Variants in FHIT observed in about 807,000 individuals in gnomAD.
FHIT encodes bis(5'-adenosyl)-triphosphatase.
In FHIT, 19 loss-of-function variants were observed where a neutral mutation model predicts 17.9. The ratio of observed to expected loss-of-function variants is 1.06; its 90% CI spans 0.74 to 1.56. The LOEUF (loss-of-function observed/expected upper bound fraction) is 1.56, where lower values mean the gene tolerates loss of function less well. Among genes scored for constraint, FHIT ranks in the 40% most tolerant of loss-of-function variants. The pLI is 0.00. For synonymous variants in FHIT, 81 were observed against 69.7 expected (o/e 1.16, Z -0.81); for missense variants, 248 against 189.2 (o/e 1.31, Z -1.82).
At chr3:61,247,335 AAAG>A (rs528869198) in intron 1 of FHIT, among the ~76,000 whole-genome samples, 8 of 152,148 alleles carry the variant, frequency 5.3e-5, no homozygotes, top group Non-Finnish European at 1.0e-4. Context: ...TCAGCTTTAG[AAAG>A]AAGCACTGCC....
intron 5 of FHIT, among the ~76,000 whole-genome samples, chr3:60,494,393 G>A (rs1357362962): frequency 6.6e-6 from 1 of 151,780 alleles, no homozygotes; most frequent in Admixed American, 6.6e-5. Flanking sequence ...TTTTGATACA[G>A]ACATGCAATG....
intron 7 of FHIT, among the ~76,000 whole-genome samples, chr3:59,936,586 T>G (rs1706252016): frequency 6.6e-6 from 1 of 152,188 alleles, no homozygotes; most frequent in Non-Finnish European, 1.5e-5. Flanking sequence ...AAATCTGCCT[T>G]CTACTTAATG....
intron 3 of FHIT, among the ~76,000 whole-genome samples, chr3:60,992,012 C>T (rs965828913): frequency 2.4e-4 from 36 of 152,102 alleles, no homozygotes; most frequent in African/African-American, 8.5e-4. Flanking sequence ...TAGACCAAAA[C>T]AGAATTCTGG....
chr3:59,758,704 C>T (rs1701345357), intron 8 of FHIT, among the ~76,000 whole-genome samples: 1 of 152,096 alleles, frequency 6.6e-6, no homozygotes, highest in Non-Finnish European at 1.5e-5. Flanking sequence ...TCATTTATGA[C>T]AAATCATGTC....
chr3:59,997,606 A>G (rs959746461), intron 7 of FHIT, among the ~76,000 whole-genome samples: 3 of 152,200 alleles, frequency 2.0e-5, no homozygotes, highest in East Asian at 3.9e-4. Flanking sequence ...ACACATTGTC[A>G]GTATGTGAAC....
intron 8 of FHIT, among the ~76,000 whole-genome samples, chr3:59,912,717 A>G (rs1704939751): frequency 6.6e-6 from 1 of 152,354 alleles, no homozygotes; most frequent in South Asian, 2.1e-4. Flanking sequence ...GCAAGGTTAC[A>G]TTTCCGTGCA....
intron 2 of FHIT, among the ~76,000 whole-genome samples, chr3:61,089,999 A>T (rs1479698319): frequency 6.6e-6 from 1 of 152,238 alleles, no homozygotes; most frequent in African/African-American, 2.4e-5. Context: ...CAACAAGCGC[A>T]TGCCAATACA....
At chr3:59,802,216 C>A (rs1700022982) in intron 8 of FHIT, among the ~76,000 whole-genome samples, 1 of 152,166 alleles carries the variant, frequency 6.6e-6, no homozygotes, top group African/African-American at 2.4e-5. Context: ...GGTTCCCCTA[C>A]CCTGCTTGGC....
At chr3:61,063,864 T>A (rs1259842751) in intron 2 of FHIT, among the ~76,000 whole-genome samples, 1 of 152,230 alleles carries the variant, frequency 6.6e-6, no homozygotes, top group East Asian at 1.9e-4. Context: ...ATGATTTCAA[T>A]GTCATGTTTA....
intron 5 of FHIT, among the ~76,000 whole-genome samples, chr3:60,206,414 G>T (rs1559727351): frequency 6.6e-6 from 1 of 152,058 alleles, no homozygotes; most frequent in Non-Finnish European, 1.5e-5. Context: ...TTTCTGAATA[G>T]CCACCTGGCA....
intron 4 of FHIT, among the ~76,000 whole-genome samples, chr3:60,581,636 G>GTA (rs1256109137): frequency 6.6e-6 from 1 of 151,966 alleles, no homozygotes; most frequent in Non-Finnish European, 1.5e-5. Context: ...AAAGCAACAT[G>GTA]TATATGCATA....
At chr3:61,091,797 G>A (rs2035490936) in intron 2 of FHIT, among the ~76,000 whole-genome samples, 1 of 151,594 alleles carries the variant, frequency 6.6e-6, no homozygotes, top group Non-Finnish European at 1.5e-5. Flanking sequence ...AAATTTAGCT[G>A]GGCGTAGTGG....
chr3:60,003,499 C>CTT (rs1699806407), intron 7 of FHIT, among the ~76,000 whole-genome samples: 1 of 152,110 alleles, frequency 6.6e-6, no homozygotes, highest in East Asian at 1.9e-4. Flanking sequence ...TTCCAGAGCA[C>CTT]TTTAAGAGGC....
chr3:60,698,767 T>C (rs2041171791), intron 4 of FHIT, among the ~76,000 whole-genome samples: 1 of 152,208 alleles, frequency 6.6e-6, no homozygotes, highest in Non-Finnish European at 1.5e-5. Flanking sequence ...TCCAGTTTGG[T>C]CCTTTGTGTG....
chr3:60,332,687 C>T (rs577989222), intron 5 of FHIT, among the ~76,000 whole-genome samples: 1 of 152,240 alleles, frequency 6.6e-6, no homozygotes, highest in African/African-American at 2.4e-5. Context: ...TGGGGAGAAT[C>T]GTTTTCAACA....
chr3:60,347,489 T>A (rs140954361), intron 5 of FHIT, among the ~76,000 whole-genome samples: 1 of 152,238 alleles, frequency 6.6e-6, no homozygotes, highest in African/African-American at 2.4e-5. Flanking sequence ...GGGGGACGAT[T>A]ACTCATGCAA....
intron 9 of FHIT, 77 bp downstream of exon 9, chr3:59,752,144 C>A: frequency 2.0e-6 from 2 of 1,007,718 alleles, no homozygotes; most frequent in South Asian, 3.0e-5. Context: ...TGTTTTTGTG[C>A]ATCCCCATTC....
chr3:61,163,893 T>C (rs1437342135), intron 2 of FHIT, among the ~76,000 whole-genome samples: 1 of 152,220 alleles, frequency 6.6e-6, no homozygotes, highest in Non-Finnish European at 1.5e-5. Flanking sequence ...CTTTCTTTTG[T>C]TATAGGGGCC....
In FHIT at chr3:60,961,861, G is replaced by A. The variant is rs543899412; in HGVS notation, c.-111+80186C>T. Among the ~76,000 whole-genome samples, 13 of 152,292 alleles carry A rather than the reference G, an allele frequency of 8.5e-5. No homozygotes were observed. In the East Asian group the frequency reaches 1.3e-3, roughly 16 times the overall value. ...GTAGTATAGTTTGAAGTCAAGTAGC[G>A]TGATGCCTCTAGCTTTGTTCTTTTG... On this transcript the variant is annotated intron_variant, in intron 3 of 9. Coordinates refer to ENST00000492590, the MANE Select transcript of FHIT (RefSeq NM_002012.4).
Sources: allele counts gnomAD v4.1 joint callset (sites outside exome capture counted in the v4.1 genomes callset), GRCh38; gene constraint gnomAD v4.1.1; transcripts MANE v1.5; gene names NCBI Gene and HGNC (gene_info 2026-07-23, HGNC 2026-07-21).